Variants in INPP4B observed in about 807,000 individuals in gnomAD.
INPP4B encodes the protein inositol polyphosphate 4-phosphatase type II.
A neutral mutation model predicts 122.5 loss-of-function variants in INPP4B; 55 were observed. The ratio of observed to expected loss-of-function variants is 0.45; its 90% CI spans 0.36 to 0.56. INPP4B has a LOEUF of 0.56. INPP4B is among the 20% of genes least tolerant of loss of function. The pLI is 0.00. For missense variants in INPP4B, 1,000 were observed against 1,097.7 expected (o/e 0.91, Z 1.26); for synonymous variants, 403 against 388.7 (o/e 1.04, Z -0.43).
rs576002791 is a variant in INPP4B at position 142,498,325 on chromosome 4, C to T, written c.-190-35599G>A. On this transcript the variant is annotated intron_variant, in intron 2 of 25. Transcript: ENST00000262992. ...CATGATCACAACTCAGATCTACCAA[C>T]CCCTACCCATAATTCCTCTAACAGG... 2.6e-5 allele frequency among the ~76,000 whole-genome samples: 4 copies of T among 151,958 alleles called. No individual in the cohort carries two copies. The South Asian group carries it at 8.3e-4, about 32-fold the overall frequency.
At chr4:142,727,398 A>G (rs1371550796) in intron 1 of INPP4B, among the ~76,000 whole-genome samples, 2 of 152,208 alleles carry the variant, frequency 1.3e-5, no homozygotes, top group African/African-American at 4.8e-5. Flanking sequence ...TCTGTGGCAG[A>G]CTGAAGAAAC....
At chr4:142,352,364 C>A (rs1013893781) in intron 7 of INPP4B, among the ~76,000 whole-genome samples, 2 of 151,910 alleles carry the variant, frequency 1.3e-5, no homozygotes, top group Admixed American at 1.3e-4. Flanking sequence ...CTTCTTCTCT[C>A]CTCATTTGCT....
intron 2 of INPP4B, among the ~76,000 whole-genome samples, chr4:142,528,707 G>T (rs1228476924): frequency 6.6e-6 from 1 of 152,054 alleles, no homozygotes; most frequent in Non-Finnish European, 1.5e-5. Context: ...TCCCACAATA[G>T]TCATCTCTAA....
chr4:142,293,229 G>A (rs112807509), intron 9 of INPP4B, among the ~76,000 whole-genome samples: 9,668 of 151,732 alleles, frequency 0.064, 329 homozygotes, highest in Middle Eastern at 0.1. Flanking sequence ...TAGTAGAGAC[G>A]GGGTTTCACC....
intron 7 of INPP4B, among the ~76,000 whole-genome samples, chr4:142,366,175 A>G (rs1787390837): frequency 6.6e-6 from 1 of 152,026 alleles, no homozygotes; most frequent in African/African-American, 2.4e-5. Flanking sequence ...TTCAGAATGT[A>G]CTTTGTGAGA....
intron 2 of INPP4B, among the ~76,000 whole-genome samples, chr4:142,641,124 G>T (rs1750308870): frequency 6.6e-6 from 1 of 152,010 alleles, no homozygotes; most frequent in Admixed American, 6.6e-5. Context: ...ACATGCACAA[G>T]AATGTTACAG....
chr4:142,296,589 T>C (rs1579639082), intron 9 of INPP4B, among the ~76,000 whole-genome samples: 4 of 152,390 alleles, frequency 2.6e-5, no homozygotes, highest in Admixed American at 6.5e-5. Context: ...TAGTAACTCA[T>C]GTGATCCTCA....
chr4:142,329,437 TTA>T (rs1773653949), intron 7 of INPP4B, among the ~76,000 whole-genome samples: 1 of 152,214 alleles, frequency 6.6e-6, no homozygotes. Context: ...AACATTGGGT[TTA>T]TGTTACAATT....
Position 142,138,906 on chromosome 4 carries a change from C to T in INPP4B, c.1720+6934G>A, listed in dbSNP as rs568394001. 3.3e-5 allele frequency among the ~76,000 whole-genome samples: 5 copies of T among 152,274 alleles called. No homozygotes were observed. In the South Asian group the frequency reaches 8.3e-4, roughly 25 times the overall value. On this transcript the variant is annotated intron_variant, in intron 18 of 25. Coordinates refer to ENST00000262992, the MANE Select transcript of INPP4B (RefSeq NM_001101669.3). ...TTCTGACACCTCATCTGAGAGTAAT[C>T]CTCATGCCTCAAGGCCAATAAAGAT... is the stretch of plus-strand genomic sequence containing the variant.
At chr4:142,316,045 G>T (rs1284315748) in intron 7 of INPP4B, among the ~76,000 whole-genome samples, 3 of 151,912 alleles carry the variant, frequency 2.0e-5, no homozygotes, top group Non-Finnish European at 4.4e-5. Context: ...CCAAGTCCTT[G>T]AAAAAAGCAG....
rs1039374445 is a variant in INPP4B at position 142,025,498 on chromosome 4, C to T, written c.*3284G>A. On this transcript the variant is annotated 3_prime_UTR_variant, in exon 26 of 26. Transcript: ENST00000262992. ...GGTACTTTAATTATCAACTTTTATG[C>T]ATCAGAACGAGCTAGTTCCAGCCCA... is the stretch of plus-strand genomic sequence containing the variant. The T allele has an allele frequency of 2.6e-5, 4 of 152,082 alleles. No individual in the cohort carries two copies. Among genetic ancestry groups the T allele is most frequent in the African/African-American group, 9.7e-5 (4 of 41,394 alleles). The allele number at this position is 152,082 out of a possible 1,614,324, so 9.4% of individuals were successfully genotyped here. A position where few individuals can be genotyped will look rare whatever the true frequency, so the allele number is the denominator to read the frequency against.
At chr4:142,052,215 TTAAA>T (rs1410044170) in intron 25 of INPP4B, among the ~76,000 whole-genome samples, 1 of 151,978 alleles carries the variant, frequency 6.6e-6, no homozygotes, top group Non-Finnish European at 1.5e-5. Flanking sequence ...TTTAATAACT[TTAAA>T]TACTCCATGT....
chr4:142,233,887 A>T (rs1855534652), intron 12 of INPP4B, among the ~76,000 whole-genome samples: 1 of 152,028 alleles, frequency 6.6e-6, no homozygotes, highest in Non-Finnish European at 1.5e-5. Flanking sequence ...TTCAAGTAGG[A>T]TTTTCAAGAA....
intron 8 of INPP4B, chr4:142,306,033 T>C (rs1330028891): frequency 1.7e-6 from 1 of 580,958 alleles, no homozygotes; most frequent in Non-Finnish European, 2.2e-6. Flanking sequence ...ATCACAGCAA[T>C]GTTTAAAAGC....
intron 2 of INPP4B, among the ~76,000 whole-genome samples, chr4:142,508,168 C>T (rs1457520800): frequency 6.6e-6 from 1 of 152,082 alleles, no homozygotes; most frequent in African/African-American, 2.4e-5. Flanking sequence ...GCCTAACTTC[C>T]ACGAGCTCCA....
At chr4:142,274,893 A>G (rs1428911582) in intron 9 of INPP4B, among the ~76,000 whole-genome samples, 1 of 151,854 alleles carries the variant, frequency 6.6e-6, no homozygotes, top group African/African-American at 2.4e-5. Flanking sequence ...CAGTATTTCA[A>G]TCACAATGTC....
intron 2 of INPP4B, among the ~76,000 whole-genome samples, chr4:142,715,973 G>A (rs1763704682): frequency 6.6e-6 from 1 of 152,158 alleles, no homozygotes; most frequent in African/African-American, 2.4e-5. Context: ...TACTCCATTA[G>A]GCCTGGACTT....
chr4:142,492,882 G>T (rs1256030006), intron 2 of INPP4B, among the ~76,000 whole-genome samples: 1 of 152,146 alleles, frequency 6.6e-6, no homozygotes, highest in Non-Finnish European at 1.5e-5. Context: ...TGTCTCAAGG[G>T]CATGTCAGAG....
At chr4:142,229,232 A>T (rs2149814242) in intron 12 of INPP4B, among the ~76,000 whole-genome samples, 1 of 152,240 alleles carries the variant, frequency 6.6e-6, no homozygotes, top group East Asian at 1.9e-4. Context: ...ATGACAGAAC[A>T]TCATATGACC....
Sources: allele counts gnomAD v4.1 joint callset (sites outside exome capture counted in the v4.1 genomes callset), GRCh38; gene constraint gnomAD v4.1.1; transcripts MANE v1.5; gene names NCBI Gene and HGNC (gene_info 2026-07-23, HGNC 2026-07-21).